HTR7: variants seen among roughly 807,000 people sequenced by gnomAD.
HTR7 encodes 5-HT-7.
A neutral mutation model predicts 34.0 loss-of-function variants in HTR7; 16 were observed. The ratio of observed to expected loss-of-function variants is 0.47; its 90% confidence interval spans 0.32 to 0.71. The LOEUF is 0.71. Among genes scored for constraint, HTR7 ranks in the 30% least tolerant of loss-of-function variants. HTR7 has a pLI of 0.04. For synonymous variants in HTR7, 265 were observed against 260.2 expected, an observed-to-expected ratio of 1.02 and a Z score of -0.18; for missense variants, 504 against 625.5, an observed-to-expected ratio of 0.81 and a Z score of 2.07.
chr10:90,833,232 G>A (rs1846203898), intron 1 of HTR7, among the ~76,000 whole-genome samples: 1 of 152,200 alleles, frequency 6.6e-6, no homozygotes, highest in Non-Finnish European at 1.5e-5. Flanking sequence ...ATATTCCAGA[G>A]TGTCGAGATC....
chr10:90,761,740 G>A (rs1844940746), intron 1 of HTR7, among the ~76,000 whole-genome samples: 1 of 151,684 alleles, frequency 6.6e-6, no homozygotes, highest in Non-Finnish European at 1.5e-5. Flanking sequence ...CTGTACATTA[G>A]ATTCCCATAC....
At chr10:90,754,945 C>T (rs1039477549) in intron 1 of HTR7, among the ~76,000 whole-genome samples, 37 of 152,258 alleles carry the variant, frequency 2.4e-4, no homozygotes, top group South Asian at 1.2e-3. Flanking sequence ...CTAGAATCTC[C>T]GGCTGATGTC....
At chr10:90,761,359 A>AC (rs1844931834) in intron 1 of HTR7, among the ~76,000 whole-genome samples, 1 of 152,112 alleles carries the variant, frequency 6.6e-6, no homozygotes, top group Non-Finnish European at 1.5e-5. Flanking sequence ...CTACCTTATC[A>AC]CTTTCTCTTT....
At chr10:90,801,261 A>G (rs1845621522) in intron 1 of HTR7, among the ~76,000 whole-genome samples, 1 of 152,182 alleles carries the variant, frequency 6.6e-6, no homozygotes, top group Non-Finnish European at 1.5e-5. Context: ...TTAAGCTCAG[A>G]GATCTCAACT....
At chr10:90,771,844 G>A (rs527324122) in intron 1 of HTR7, among the ~76,000 whole-genome samples, 2,407 of 152,080 alleles carry the variant, frequency 0.016, 28 homozygotes, top group Non-Finnish European at 0.028. Flanking sequence ...TCAGGCAAAC[G>A]CACCACCAGA....
chr10:90,759,679 A>C (rs1206516345), intron 1 of HTR7, among the ~76,000 whole-genome samples: 2 of 151,378 alleles, frequency 1.3e-5, no homozygotes, highest in East Asian at 1.9e-4. Context: ...AAAAAAAAAA[A>C]AAAAAACCAG....
intron 1 of HTR7, among the ~76,000 whole-genome samples, chr10:90,780,697 C>A (rs1845295225): frequency 6.6e-6 from 1 of 152,008 alleles, no homozygotes; most frequent in South Asian, 2.1e-4. Flanking sequence ...TGGAACAGAC[C>A]CACACTCACA....
intron 1 of HTR7, among the ~76,000 whole-genome samples, chr10:90,796,217 A>G (rs1014339111): frequency 6.6e-6 from 1 of 152,082 alleles, no homozygotes; most frequent in Non-Finnish European, 1.5e-5. Flanking sequence ...GGCTGGGGGA[A>G]TCTCAGGATT....
At chr10:90,842,485 T>G (rs1195550291) in intron 1 of HTR7, among the ~76,000 whole-genome samples, 8 of 152,286 alleles carry the variant, frequency 5.3e-5, no homozygotes. Context: ...ACTCCTAACC[T>G]CTATCAGCCT....
chr10:90,844,771 T>C, intron 1 of HTR7, among the ~76,000 whole-genome samples: 1 of 125,370 alleles, frequency 8.0e-6, no homozygotes. Flanking sequence ...AAAAGATCAG[T>C]CTGGCTCAGG....
chr10:90,826,366 A>T (rs1290838497), intron 1 of HTR7, among the ~76,000 whole-genome samples: 3 of 152,194 alleles, frequency 2.0e-5, no homozygotes, highest in African/African-American at 7.2e-5. Flanking sequence ...TTCAGTCTGA[A>T]AGTAAAGGAA....
At chr10:90,809,567 A>G (rs1845767806) in intron 1 of HTR7, among the ~76,000 whole-genome samples, 1 of 152,176 alleles carries the variant, frequency 6.6e-6, no homozygotes, top group African/African-American at 2.4e-5. Flanking sequence ...ACAATAATAG[A>G]AAAAAGTTGC....
intron 1 of HTR7, among the ~76,000 whole-genome samples, chr10:90,759,661 CAAAAA>C (rs60718814): frequency 1.4e-4 from 10 of 69,388 alleles, no homozygotes; most frequent in Admixed American, 3.4e-4. Context: ...GACTCTGTCT[CAAAAA>C]AAAAAAAAAA....
intron 1 of HTR7, among the ~76,000 whole-genome samples, chr10:90,754,987 T>C (rs1372334024): frequency 6.6e-6 from 1 of 152,186 alleles, no homozygotes; most frequent in East Asian, 1.9e-4. Flanking sequence ...ATTATAAGAA[T>C]CACTCAGGAG....
At chr10:90,809,040 C>T (rs191994711) in intron 1 of HTR7, among the ~76,000 whole-genome samples, 2 of 152,308 alleles carry the variant, frequency 1.3e-5, no homozygotes, top group Admixed American at 1.3e-4. Flanking sequence ...CCTGTCCCCT[C>T]AGTCCCAACC....
At chr10:90,840,568 C>A (rs1421514705) in intron 1 of HTR7, among the ~76,000 whole-genome samples, 1 of 152,178 alleles carries the variant, frequency 6.6e-6, no homozygotes, top group Non-Finnish European at 1.5e-5. Flanking sequence ...TTGTCTTGTT[C>A]TTTCAACTCC....
At position 90,844,725 on chromosome 10, in the gene HTR7, T is replaced by TAAAAAAAA. The variant is rs1564701422; in HGVS notation, c.539+12407_539+12408insTTTTTTTT. 1.3e-3 allele frequency among the ~76,000 whole-genome samples: 35 copies of TAAAAAAAA among 27,792 alleles called. 7 individuals are homozygous for TAAAAAAAA. The highest frequency in any genetic ancestry group is 3.0e-3 in the African/African-American group (29 of 9,798). The allele number at this position is 27,792 out of a possible 152,430, so 18.2% of individuals were successfully genotyped here. A position where few individuals can be genotyped will look rare whatever the true frequency, so the allele number is the denominator to read the frequency against. ...CTGGGCAACAGAATGAGACTCCGTC[T>TAAAAAAAA]CAAAAAAAAAAAAAAAAAAAAAAAA... is the stretch of plus-strand genomic sequence containing the variant. On this transcript the variant is annotated intron_variant, in intron 1 of 3. Coordinates refer to ENST00000336152, the MANE Select transcript of HTR7 (RefSeq NM_019859.4).
intron 1 of HTR7, among the ~76,000 whole-genome samples, chr10:90,767,334 T>C (rs759798662): frequency 6.6e-6 from 1 of 152,228 alleles, no homozygotes; most frequent in Non-Finnish European, 1.5e-5. Flanking sequence ...TATATAAATC[T>C]CTTCATGAAC....
chr10:90,792,158 T>C (rs1845468920), intron 1 of HTR7, among the ~76,000 whole-genome samples: 2 of 152,172 alleles, frequency 1.3e-5, no homozygotes, highest in East Asian at 1.9e-4. Context: ...AACATAATTA[T>C]GAATCCATGA....
Sources: allele counts gnomAD v4.1 joint callset (sites outside exome capture counted in the v4.1 genomes callset), GRCh38; gene constraint gnomAD v4.1.1; transcripts MANE v1.5; gene names NCBI Gene and HGNC (gene_info 2026-07-23, HGNC 2026-07-21).